CD36: variants seen among roughly 807,000 people sequenced by gnomAD.
CD36 encodes platelet glycoprotein 4.
A neutral mutation model predicts 55.2 loss-of-function variants in CD36; 119 were observed. The observed-to-expected ratio is 2.15, with a 90% confidence interval of 1.86 to 2.51. CD36 has a LOEUF of 2.51. Ranked by LOEUF, CD36 falls within the 30% of genes most tolerant of loss-of-function variation. CD36 has a pLI of 0.00. For missense variants in CD36, 819 were observed against 555.5 expected, an observed-to-expected ratio of 1.47 and a Z score of -4.77; for synonymous variants, 186 against 193.6, an observed-to-expected ratio of 0.96 and a Z score of 0.33.
At chr7:80,657,823 T>C (rs1239925101) in intron 4 of CD36, among the ~76,000 whole-genome samples, 1 of 152,224 alleles carries the variant, frequency 6.6e-6, no homozygotes, top group Non-Finnish European at 1.5e-5. Context: ...CACAACTAGT[T>C]ATACACCATG....
chr7:80,639,088 G>A (rs1460023688), intron 1 of CD36, among the ~76,000 whole-genome samples: 3 of 151,984 alleles, frequency 2.0e-5, no homozygotes, highest in Non-Finnish European at 4.4e-5. Flanking sequence ...TTTAAATGAT[G>A]AAGATCATTA....
At chr7:80,628,948 A>C (rs1282519182) in intron 1 of CD36, among the ~76,000 whole-genome samples, 1 of 152,082 alleles carries the variant, frequency 6.6e-6, no homozygotes, top group Non-Finnish European at 1.5e-5. Context: ...CAAAGAAGGC[A>C]ATCAGATAAG....
intron 1 of CD36, among the ~76,000 whole-genome samples, chr7:80,632,450 A>T (rs1361684630): frequency 4.9e-4 from 74 of 152,160 alleles, no homozygotes; most frequent in Non-Finnish European, 7.4e-5. Flanking sequence ...TATGTATTTC[A>T]GTCTTTTAGG....
upstream of CD36, among the ~76,000 whole-genome samples, chr7:80,634,479 T>A (rs967449312): frequency 6.6e-6 from 1 of 152,152 alleles, no homozygotes; most frequent in African/African-American, 2.4e-5. Flanking sequence ...ATCTACTATC[T>A]GATCTTCAGC....
intron 1 of CD36, among the ~76,000 whole-genome samples, chr7:80,604,561 C>CA (rs1792437471): frequency 6.6e-6 from 1 of 151,176 alleles, no homozygotes; most frequent in Admixed American, 6.6e-5. Flanking sequence ...GAAACATACT[C>CA]AGAGACCTTT....
chr7:80,654,751 T>C (rs1795910047), intron 3 of CD36, among the ~76,000 whole-genome samples: 1 of 152,134 alleles, frequency 6.6e-6, no homozygotes, highest in Non-Finnish European at 1.5e-5. Flanking sequence ...GATTTTGAAA[T>C]TCCATTTTAA....
At chr7:80,630,520 A>G (rs1317662211) in intron 1 of CD36, among the ~76,000 whole-genome samples, 1 of 152,076 alleles carries the variant, frequency 6.6e-6, no homozygotes, top group Admixed American at 6.6e-5. Context: ...CTATACTGAA[A>G]GCTTATTATA....
chr7:80,659,213 A>G (rs1010123225), intron 4 of CD36, among the ~76,000 whole-genome samples: 2 of 152,206 alleles, frequency 1.3e-5, no homozygotes, highest in South Asian at 4.1e-4. Context: ...ATGCTTTTTC[A>G]TAACTAATTA....
At chr7:80,671,797 C>T (rs1797696675) in intron 10 of CD36, 125 bp from the exon 11 acceptor site, 4 of 780,936 alleles carry the variant, frequency 5.1e-6, no homozygotes, top group Middle Eastern at 3.6e-4. Context: ...AATTCTTCCC[C>T]ACCCATGTTA....
upstream of CD36, among the ~76,000 whole-genome samples, chr7:80,636,531 G>GC (rs1554335296): frequency 4.8e-4 from 33 of 69,070 alleles, 1 homozygote; most frequent in South Asian, 0.014. Flanking sequence ...GTGATCTCTT[G>GC]CAAAAAAAAA....
intron 1 of CD36, among the ~76,000 whole-genome samples, chr7:80,616,027 A>G (rs942221935): frequency 1.3e-5 from 2 of 152,180 alleles, no homozygotes; most frequent in African/African-American, 4.8e-5. Context: ...AAAGAAATCT[A>G]TCTTTCCAGG....
chr7:80,674,532 G>A, intron 14 of CD36: 1 of 232,834 alleles, frequency 4.3e-6, no homozygotes, highest in Non-Finnish European at 8.5e-6. Context: ...TAGACATGCT[G>A]GCCGTGCATT....
At chr7:80,618,709 C>T (rs1245440884) in intron 1 of CD36, among the ~76,000 whole-genome samples, 2 of 152,168 alleles carry the variant, frequency 1.3e-5, no homozygotes, top group African/African-American at 4.8e-5. Context: ...TCTTTACTCA[C>T]TTCGATTCTG....
chr7:80,647,059 A>T, intron 3 of CD36, 199 bp downstream of exon 3: 1 of 540,628 alleles, frequency 1.8e-6, no homozygotes, highest in South Asian at 2.0e-5. Flanking sequence ...ATTTAACATG[A>T]CTCCATTGCT....
At position 80,672,887 on chromosome 7, in the gene CD36, C is replaced by T. The variant is rs370122030; in HGVS notation, c.1199+44C>T. The T allele has an allele frequency of 1.6e-5, 20 of 1,221,288 alleles. No individual in the cohort carries two copies. The African/African-American group carries it at 2.1e-4, about 13-fold the overall frequency. 75.7% of individuals were successfully genotyped at this position (1,221,288 alleles called of 1,614,324 possible). A position where few individuals can be genotyped will look rare whatever the true frequency, so the allele number is the denominator to read the frequency against. ...GTTATTTTGATATGATCTGTAGTAT[C>T]GTAGTATCTTCTTGTAAGAACATGA... is the stretch of plus-strand genomic sequence containing the variant. On this transcript the variant is annotated intron_variant, in intron 12 of 14. Transcript: ENST00000447544.
At position 80,672,855 on chromosome 7, in the gene CD36, GA is replaced by G. The variant is rs1477289139; in HGVS notation, c.1199+16del. 6.3e-7 allele frequency: 1 copy of G among 1,580,962 alleles called. No individual in the cohort carries two copies. Among genetic ancestry groups the G allele is most frequent in the South Asian group, 1.1e-5 (1 of 90,040 alleles). On this transcript the variant is annotated intron_variant, in intron 12 of 14. Coordinates refer to ENST00000447544, the MANE Select transcript of CD36 (RefSeq NM_001001548.3). ...TCAGAAAAAATTCAGTGAGTCTCTT[GA>G]AAATGGTTATTTTGATATGATCTGT...
chr7:80,630,694 A>G (rs890154615), intron 1 of CD36, among the ~76,000 whole-genome samples: 1 of 151,940 alleles, frequency 6.6e-6, no homozygotes, highest in Non-Finnish European at 1.5e-5. Flanking sequence ...TTGATTACCC[A>G]ATTTTCCCGG....
intron 1 of CD36, among the ~76,000 whole-genome samples, chr7:80,629,590 C>T (rs920803491): frequency 2.6e-5 from 4 of 152,026 alleles, no homozygotes; most frequent in Non-Finnish European, 5.9e-5. Context: ...TTCTGGAAAA[C>T]AAGGTACTCC....
At chr7:80,608,180 G>A (rs187801601) in intron 1 of CD36, among the ~76,000 whole-genome samples, 5 of 152,136 alleles carry the variant, frequency 3.3e-5, no homozygotes, top group Non-Finnish European at 5.9e-5. Flanking sequence ...TAATATATAT[G>A]CATATAACAT....
Sources: allele counts gnomAD v4.1 joint callset (sites outside exome capture counted in the v4.1 genomes callset), GRCh38; gene constraint gnomAD v4.1.1; transcripts MANE v1.5; gene names NCBI Gene and HGNC (gene_info 2026-07-23, HGNC 2026-07-21).